Variants in POLR3B observed in about 807,000 individuals in gnomAD.
The protein encoded by POLR3B is DNA-directed RNA polymerase III subunit RPC2.
In POLR3B, 96 loss-of-function variants were observed where a neutral mutation model predicts 147.4. That is an observed-to-expected ratio of 0.65 (90% CI 0.55 to 0.77). The LOEUF (loss-of-function observed/expected upper bound fraction) is 0.77. POLR3B is among the 30% of genes least tolerant of loss of function. The pLI, the probability that POLR3B is intolerant of heterozygous loss-of-function variation, is 0.00. For synonymous variants in POLR3B, 461 were observed against 485.9 expected (o/e 0.95, Z 0.67); for missense variants, 1,036 against 1,413.5 (o/e 0.73, Z 4.28).
At chr12:106,396,942 G>A (rs916957559) in intron 10 of POLR3B, among the ~76,000 whole-genome samples, 1 of 151,794 alleles carries the variant, frequency 6.6e-6, no homozygotes, top group African/African-American at 2.4e-5. Flanking sequence ...AGGTTTTGTT[G>A]TTGTTGTTGT....
At chr12:106,406,012 G>A in intron 11 of POLR3B, 36 bp downstream of exon 11, 1 of 1,609,958 alleles carries the variant, frequency 6.2e-7, no homozygotes, top group Non-Finnish European at 8.5e-7. Context: ...TAAGGACTGT[G>A]GGGTCTGTGA....
In POLR3B at chr12:106,427,250, A is replaced by G. The variant is rs1222301429; in HGVS notation, c.1155A>G (p.Lys385=). ...TCAAAAAATTTAATTCTGAAATGAA[A>G]AAGATTGCCGACCAGGTGATTCCTA... The part of the protein sequence containing the change: ...DLFKKFNSEM[K]KIADQVIPKQ... Residue 385 remains lysine (K), a synonymous_variant, in exon 13 of 28, where the codon AAA becomes AAG. Coordinates refer to ENST00000228347, the MANE Select transcript of POLR3B (RefSeq NM_018082.6). 2.5e-6 allele frequency: 4 copies of G among 1,610,632 alleles called. No individual in the cohort carries two copies. The highest frequency in any genetic ancestry group is 2.7e-5 in the African/African-American group (2 of 74,774).
intron 9 of POLR3B, among the ~76,000 whole-genome samples, chr12:106,384,536 T>C (rs997527425): frequency 9.2e-5 from 14 of 152,196 alleles, no homozygotes; most frequent in African/African-American, 3.4e-4. Context: ...CAGCTGAGAT[T>C]GAACAAGGCA....
chr12:106,505,469 G>T (rs549042631), intron 27 of POLR3B, among the ~76,000 whole-genome samples: 1 of 152,152 alleles, frequency 6.6e-6, no homozygotes, highest in East Asian at 1.9e-4. Context: ...TGTATGTTTT[G>T]TAGAGACAGG....
chr12:106,475,263 G>A (rs2038149875), intron 23 of POLR3B, among the ~76,000 whole-genome samples: 1 of 117,980 alleles, frequency 8.5e-6, no homozygotes, highest in Non-Finnish European at 1.7e-5. Context: ...TTTTACATTG[G>A]CTGAGGAGAG....
chr12:106,438,108 T>C (rs2037602091), intron 18 of POLR3B, among the ~76,000 whole-genome samples: 1 of 152,198 alleles, frequency 6.6e-6, no homozygotes, highest in Admixed American at 6.5e-5. Context: ...GTTCTCATTG[T>C]TCAGCTTCCA....
intron 16 of POLR3B, among the ~76,000 whole-genome samples, chr12:106,434,958 G>A (rs552775489): frequency 6.6e-6 from 1 of 152,076 alleles, no homozygotes. Context: ...TGAATCCCAG[G>A]TAAAATAAAT....
At chr12:106,366,787 G>A in intron 4 of POLR3B, 65 bp downstream of exon 4, 1 of 1,247,906 alleles carries the variant, frequency 8.0e-7, no homozygotes, top group Non-Finnish European at 1.2e-6. Flanking sequence ...AGTGAGTGAA[G>A]TTGCTATCAA....
chr12:106,401,369 A>G (rs1262112831), intron 10 of POLR3B, among the ~76,000 whole-genome samples: 3 of 152,206 alleles, frequency 2.0e-5, no homozygotes, highest in Admixed American at 2.0e-4. Flanking sequence ...GACCAGATGG[A>G]TTCTACCAGA....
chr12:106,498,835 C>T (rs940683208), intron 25 of POLR3B, among the ~76,000 whole-genome samples: 2 of 152,216 alleles, frequency 1.3e-5, no homozygotes, highest in Non-Finnish European at 2.9e-5. Flanking sequence ...ATCCACCTGC[C>T]TCGGCCTCCC....
rs189475532 is a variant in POLR3B, at chr12:106,380,563, A to G, written c.723+424A>G. Among the ~76,000 whole-genome samples the G allele has an allele frequency of 2.9e-4, 44 of 152,318 alleles. No homozygotes were observed. The East Asian group carries it at 7.5e-3, about 26-fold the overall frequency. On this transcript the variant is annotated intron_variant, in intron 9 of 27. Coordinates refer to ENST00000228347, the MANE Select transcript of POLR3B (RefSeq NM_018082.6). ...GTGCCACTCTGCTCCAGCCTGGACA[A>G]CATAGTGAGAACTCATCTCTACAAA...
chr12:106,389,008 T>C (rs990634515), intron 9 of POLR3B, among the ~76,000 whole-genome samples: 1 of 152,354 alleles, frequency 6.6e-6, no homozygotes, highest in African/African-American at 2.4e-5. Flanking sequence ...TATTTTTTCA[T>C]AAGTTTATTA....
At chr12:106,444,745 C>G (rs1455060838) in intron 19 of POLR3B, among the ~76,000 whole-genome samples, 155 bp downstream of exon 19, 2 of 152,340 alleles carry the variant, frequency 1.3e-5, no homozygotes, top group South Asian at 2.1e-4. Flanking sequence ...GCCTATGGAA[C>G]TCTGCAAGGC....
At position 106,398,382 on chromosome 12, in the gene POLR3B, C is replaced by T. The variant is rs545873601; in HGVS notation, c.846+5229C>T. ...ACCACAGCTCAAGGAGGCCTGCCTG[C>T]CTCTGTAGGCTCCACCTCTGGGGGC... On this transcript the variant is annotated intron_variant, in intron 10 of 27. Transcript: ENST00000228347. Among the ~76,000 whole-genome samples, 558 of 149,808 alleles carry T rather than the reference C, an allele frequency of 3.7e-3. 6 individuals carry two copies. The highest frequency in any genetic ancestry group is 0.013 in the African/African-American group (529 of 40,892).
At chr12:106,418,333 C>T (rs574276302) in intron 12 of POLR3B, among the ~76,000 whole-genome samples, 1 of 152,270 alleles carries the variant, frequency 6.6e-6, no homozygotes, top group Non-Finnish European at 1.5e-5. Context: ...AATCCGGCAC[C>T]CTGGAAAGCC....
intron 23 of POLR3B, among the ~76,000 whole-genome samples, chr12:106,485,711 G>T (rs1176194779): frequency 6.6e-6 from 1 of 152,140 alleles, no homozygotes; most frequent in East Asian, 1.9e-4. Context: ...ATTGGGTAAA[G>T]AATAGTTTTT....
At chr12:106,460,893 C>T (rs2037924228) in intron 22 of POLR3B, among the ~76,000 whole-genome samples, 1 of 151,924 alleles carries the variant, frequency 6.6e-6, no homozygotes, top group African/African-American at 2.4e-5. Flanking sequence ...TCTTTGTGTC[C>T]CTTTCTAGCT....
intron 8 of POLR3B, among the ~76,000 whole-genome samples, chr12:106,379,691 C>T (rs2036733516): frequency 6.6e-6 from 1 of 152,100 alleles, no homozygotes; most frequent in South Asian, 2.1e-4. Context: ...GTTTAAGGCC[C>T]ATATATAAAA....
At position 106,475,245 on chromosome 12, in the gene POLR3B, T is replaced by C. The variant is rs1175939539; in HGVS notation, c.2713+11625T>C. The stretch of plus-strand genomic sequence containing the variant: ...GGTCTGAGAGATAGTTTGTTATAAT[T>C]TCTGTTCTTTTACATTGGCTGAGGA... On this transcript the variant is annotated intron_variant, in intron 23 of 27. Transcript: ENST00000228347. Among the ~76,000 whole-genome samples the C allele has an allele frequency of 2.5e-5, 3 of 118,208 alleles. 1 individual carries two copies. Among genetic ancestry groups the C allele is most frequent in the African/African-American group, 1.4e-4 (3 of 22,020 alleles). 77.5% of individuals were successfully genotyped at this position (118,208 alleles called of 152,430 possible).
Sources: gnomAD v4.1 joint callset for allele counts (sites outside exome capture counted in the v4.1 genomes callset) on GRCh38, gnomAD v4.1.1 for gene constraint, MANE v1.5 for transcripts, NCBI Gene and HGNC (gene_info 2026-07-23, HGNC 2026-07-21) for gene names.